Variants in CNTN5 observed in about 807,000 individuals in gnomAD.
CNTN5 encodes the protein contactin-5.
Under a neutral mutation model 129.1 loss-of-function variants are expected in CNTN5, and 77 were observed. The observed-to-expected ratio is 0.60, with a 90% confidence interval of 0.50 to 0.72. The LOEUF (loss-of-function observed/expected upper bound fraction) is 0.72. Among genes scored for constraint, CNTN5 ranks in the 30% least tolerant of loss-of-function variants. CNTN5 has a pLI of 0.00. For missense variants in CNTN5, 1,478 were observed against 1,328.8 expected (o/e 1.11, Z -1.75); for synonymous variants, 509 against 465.6 (o/e 1.09, Z -1.20).
chr11:99,665,684 A>G (rs1220385784), intron 3 of CNTN5, among the ~76,000 whole-genome samples: 2 of 151,732 alleles, frequency 1.3e-5, no homozygotes, highest in Non-Finnish European at 1.5e-5. Flanking sequence ...CCGGGGTTGC[A>G]CAATGTTGGC....
At chr11:99,334,481 C>T (rs542548258) in intron 2 of CNTN5, among the ~76,000 whole-genome samples, 15 of 152,108 alleles carry the variant, frequency 9.9e-5, no homozygotes, top group East Asian at 3.9e-4. Flanking sequence ...CCCATAAATA[C>T]GTATAATTAT....
intron 3 of CNTN5, among the ~76,000 whole-genome samples, chr11:99,590,436 A>G (rs1949942830): frequency 6.6e-6 from 1 of 152,198 alleles, no homozygotes; most frequent in Admixed American, 6.5e-5. Context: ...CCACTCCTCA[A>G]ATGGCAATGA....
chr11:99,589,633 A>C (rs1351742243), intron 3 of CNTN5, among the ~76,000 whole-genome samples: 1 of 152,202 alleles, frequency 6.6e-6, no homozygotes, highest in South Asian at 2.1e-4. Flanking sequence ...ATTGATGTTC[A>C]TAAATCATTA....
chr11:100,013,051 A>G (rs772591028), intron 9 of CNTN5, among the ~76,000 whole-genome samples: 10 of 152,166 alleles, frequency 6.6e-5, no homozygotes, highest in Non-Finnish European at 1.5e-4. Context: ...CATGTACATA[A>G]CTGAAAGCCA....
chr11:100,229,698 T>G (rs1218052537), intron 16 of CNTN5, among the ~76,000 whole-genome samples: 1 of 152,228 alleles, frequency 6.6e-6, no homozygotes, highest in Non-Finnish European at 1.5e-5. Context: ...AGTATTAATG[T>G]GCTGTATCTT....
intron 21 of CNTN5, among the ~76,000 whole-genome samples, chr11:100,330,403 C>T (rs1951881857): frequency 1.3e-5 from 2 of 152,134 alleles, no homozygotes; most frequent in African/African-American, 2.4e-5. Context: ...TGAAAACATA[C>T]TTGAGGGAAT....
chr11:99,251,334 C>G (rs559211820), intron 1 of CNTN5, among the ~76,000 whole-genome samples: 1 of 151,814 alleles, frequency 6.6e-6, no homozygotes, highest in Admixed American at 6.6e-5. Flanking sequence ...TAAGATAATG[C>G]CTCCAGGTAT....
chr11:100,217,868 G>A (rs1005202438), intron 15 of CNTN5, among the ~76,000 whole-genome samples: 1 of 152,160 alleles, frequency 6.6e-6, no homozygotes, highest in African/African-American at 2.4e-5. Flanking sequence ...CTTTAATGAT[G>A]TGAGTTTAAA....
intron 6 of CNTN5, among the ~76,000 whole-genome samples, chr11:99,896,786 T>C (rs904609693): frequency 6.6e-6 from 1 of 152,162 alleles, no homozygotes; most frequent in Non-Finnish European, 1.5e-5. Flanking sequence ...ACATGCCCCA[T>C]AGCTGTCAGC....
At chr11:99,544,090 G>A (rs1049098921) in intron 2 of CNTN5, among the ~76,000 whole-genome samples, 1 of 152,256 alleles carries the variant, frequency 6.6e-6, no homozygotes, top group Non-Finnish European at 1.5e-5. Context: ...CAGTTATGCA[G>A]GCTGTATAAG....
intron 2 of CNTN5, among the ~76,000 whole-genome samples, chr11:99,430,007 A>G (rs961086445): frequency 3.3e-5 from 5 of 152,112 alleles, no homozygotes; most frequent in Admixed American, 2.0e-4. Flanking sequence ...AACTAAATGC[A>G]AGGAAGCTGA....
At chr11:99,057,760 ATAAG>A (rs1333643931) in intron 1 of CNTN5, among the ~76,000 whole-genome samples, 4 of 150,468 alleles carry the variant, frequency 2.7e-5, no homozygotes, top group Non-Finnish European at 4.4e-5. Flanking sequence ...CATATATGTA[ATAAG>A]TAAGTGAAAC....
chr11:100,110,171 AGT>A (rs1945598275), intron 13 of CNTN5, among the ~76,000 whole-genome samples: 5 of 150,676 alleles, frequency 3.3e-5, no homozygotes, highest in Admixed American at 3.3e-4. Context: ...TGGGTGACAG[AGT>A]GAGACCCTAT....
At chr11:99,182,746 A>G (rs1858140236) in intron 1 of CNTN5, among the ~76,000 whole-genome samples, 1 of 152,230 alleles carries the variant, frequency 6.6e-6, no homozygotes, top group Admixed American at 6.5e-5. Context: ...AAGCCAGTAT[A>G]TACCAATAAC....
intron 1 of CNTN5, among the ~76,000 whole-genome samples, chr11:99,047,599 T>A (rs559401714): frequency 6.6e-6 from 1 of 152,170 alleles, no homozygotes; most frequent in East Asian, 1.9e-4. Context: ...CTGGTAAAAG[T>A]TCATCGATAA....
At chr11:99,045,468 C>T (rs1052318307) in intron 1 of CNTN5, among the ~76,000 whole-genome samples, 3 of 152,298 alleles carry the variant, frequency 2.0e-5, no homozygotes, top group Admixed American at 1.3e-4. Flanking sequence ...CCATAAAATA[C>T]ATTACCTGAG....
At chr11:99,189,241 A>G (rs1354881543) in intron 1 of CNTN5, among the ~76,000 whole-genome samples, 1 of 151,680 alleles carries the variant, frequency 6.6e-6, no homozygotes, top group Admixed American at 6.6e-5. Flanking sequence ...ATTTATACAT[A>G]TATATACACG....
intron 3 of CNTN5, among the ~76,000 whole-genome samples, chr11:99,786,670 G>T (rs760315251): frequency 1.3e-5 from 2 of 152,050 alleles, no homozygotes; most frequent in Non-Finnish European, 2.9e-5. Context: ...TAGACCAATG[G>T]AACAGAACAG....
At chr11:99,913,752 A>G (rs1385693059) in intron 6 of CNTN5, among the ~76,000 whole-genome samples, 1 of 152,122 alleles carries the variant, frequency 6.6e-6, no homozygotes, top group Non-Finnish European at 1.5e-5. Context: ...ACTGTTTTCT[A>G]TTAATCTTGT....
Sources: allele counts gnomAD v4.1 joint callset (sites outside exome capture counted in the v4.1 genomes callset), GRCh38; gene constraint gnomAD v4.1.1; transcripts MANE v1.5; gene names NCBI Gene and HGNC (gene_info 2026-07-23, HGNC 2026-07-21).